Variants in ESR2 observed in about 807,000 individuals in gnomAD.
ESR2 encodes estrogen receptor beta.
A neutral mutation model predicts 49.6 loss-of-function variants in ESR2; 36 were observed. The observed-to-expected ratio is 0.73, with a 90% CI of 0.56 to 0.96. The LOEUF (loss-of-function observed/expected upper bound fraction) is 0.96, where lower values mean the gene tolerates loss of function less well. Among genes scored for constraint, ESR2 ranks in the 40% least tolerant of loss-of-function variants. ESR2 has a pLI of 0.00. For synonymous variants in ESR2, 320 were observed against 266.1 expected (o/e 1.20, Z -1.97); for missense variants, 714 against 693.0 (o/e 1.03, Z -0.34).
intron 1 of ESR2, among the ~76,000 whole-genome samples, chr14:64,286,820 G>A (rs569332224): frequency 2.5e-4 from 38 of 152,066 alleles, no homozygotes; most frequent in East Asian, 5.8e-4. Context: ...GGTTTGAGGC[G>A]ATTCCCCTGC....
At chr14:64,273,307 T>G (rs1164295367) in intron 3 of ESR2, among the ~76,000 whole-genome samples, 2 of 152,160 alleles carry the variant, frequency 1.3e-5, no homozygotes, top group Non-Finnish European at 2.9e-5. Flanking sequence ...GCCCTTTATT[T>G]CTCTTTTCTG....
chr14:64,280,212 T>C (rs2076636958), intron 2 of ESR2, 59 bp from the exon 3 acceptor site: 1 of 1,232,262 alleles, frequency 8.1e-7, no homozygotes, highest in Admixed American at 2.2e-5. Context: ...AAGGGCTTTC[T>C]AGGAAAAAAA....
chr14:64,233,266 A>C lies in ESR2; in HGVS notation c.1464T>G (p.Tyr488Ter). 1 of 1,614,220 alleles carries C rather than the reference A, an allele frequency of 6.2e-7. No individual in the cohort carries two copies. The highest frequency in any genetic ancestry group is 8.5e-7 in the Non-Finnish European group (1 of 1,180,038). ...CATTCAGCATCTCCAGCAGCAGGTCATACACTGGGACCACATTTTTGCACT... is the reference window on the plus strand; with the variant it reads ...CATTCAGCATCTCCAGCAGCAGGTCCTACACTGGGACCACATTTTTGCACT... ...NMKCKNVVPV[Y>*]DLLLEMLNAH... Residue 488 changes from tyrosine (Y) to a stop codon, truncating the protein, a stop_gained, in exon 9 of 9, where the codon TAT (tyrosine) becomes TAG (stop). Coordinates refer to ENST00000341099, the MANE Select transcript of ESR2 (RefSeq NM_001437.3). LOFTEE classifies it high-confidence loss of function.
At position 64,280,283 on chromosome 14, in the gene ESR2, T is replaced by G; in HGVS notation, c.363-130A>C. On this transcript the variant is annotated intron_variant, in intron 2 of 8. Transcript: ENST00000341099. ...CCTCCAGGGTTCCTGGTAAATATAT[T>G]CCCGGAAATCTGATACAGCAAAGCT... 4.4e-6 allele frequency: 3 copies of G among 683,030 alleles called. No individual in the cohort carries two copies. In the South Asian group the frequency reaches 5.5e-5, roughly 12 times the overall value. 42.3% of individuals were successfully genotyped at this position (683,030 alleles called of 1,614,324 possible). A position where few individuals can be genotyped will look rare whatever the true frequency, so the allele number is the denominator to read the frequency against.
chr14:64,332,814 G>C (rs527964489), intron 1 of ESR2, among the ~76,000 whole-genome samples: 1 of 149,100 alleles, frequency 6.7e-6, no homozygotes, highest in African/African-American at 2.5e-5. Flanking sequence ...AAAAAAAAAA[G>C]GGTACCGTAT....
At chr14:64,241,045 C>T (rs1046595014) in intron 7 of ESR2, among the ~76,000 whole-genome samples, 54 of 149,152 alleles carry the variant, frequency 3.6e-4, no homozygotes, top group Admixed American at 6.1e-4. Flanking sequence ...ACTGGGGAGG[C>T]TGAGGCAGGA....
chr14:64,227,326 A>C, downstream of ESR2: 1 of 610,178 alleles, frequency 1.6e-6, no homozygotes, highest in Non-Finnish European at 2.8e-6. Flanking sequence ...TCTGAAGAGA[A>C]TCCGTCTTCA....
chr14:64,273,496 T>C (rs984129415), intron 3 of ESR2, among the ~76,000 whole-genome samples: 3 of 152,194 alleles, frequency 2.0e-5, no homozygotes, highest in African/African-American at 7.2e-5. Context: ...ACCCAGTTTT[T>C]TAAGGGTTTT....
downstream of ESR2, chr14:64,227,760 C>A: frequency 6.5e-7 from 1 of 1,539,224 alleles, no homozygotes; most frequent in Non-Finnish European, 8.7e-7. Flanking sequence ...TCCAGGGAGG[C>A]CACTGCAGCT....
At chr14:64,245,212 C>G (rs1271153989) in intron 7 of ESR2, among the ~76,000 whole-genome samples, 2 of 152,108 alleles carry the variant, frequency 1.3e-5, no homozygotes, top group African/African-American at 2.4e-5. Flanking sequence ...ATTGTTATGA[C>G]TACCAAGAAA....
chr14:64,318,265 G>A (rs1008838261), intron 1 of ESR2, among the ~76,000 whole-genome samples: 3 of 151,956 alleles, frequency 2.0e-5, no homozygotes, highest in East Asian at 1.9e-4. Flanking sequence ...GGCCGGGTGC[G>A]GTGGTTCATG....
chr14:64,282,560 C>T, intron 2 of ESR2, 64 bp downstream of exon 2: 1 of 1,487,490 alleles, frequency 6.7e-7, no homozygotes. Flanking sequence ...TTCCTTCTCA[C>T]TCAACCATAA....
At chr14:64,228,056 AAATC>A (rs771991930), downstream of ESR2, 1 of 1,401,070 alleles carries the variant, frequency 7.1e-7, no homozygotes, top group Non-Finnish European at 9.2e-7. Context: ...CTGTGGTCAT[AAATC>A]AATCACAAGT....
At chr14:64,302,165 TTTA>T (rs2077028864) in intron 1 of ESR2, among the ~76,000 whole-genome samples, 3 of 134,024 alleles carry the variant, frequency 2.2e-5, no homozygotes, top group Admixed American at 8.2e-5. Flanking sequence ...TTTATTTTTA[TTTA>T]TTTATTTATT....
chr14:64,264,612 T>TAATC (rs1279018514), intron 4 of ESR2, among the ~76,000 whole-genome samples: 2 of 152,136 alleles, frequency 1.3e-5, no homozygotes, highest in Non-Finnish European at 1.5e-5. Flanking sequence ...CTCATGCCTG[T>TAATC]AATCCCCCAG....
In ESR2 at chr14:64,235,196, G is replaced by A. The variant is rs777768479; in HGVS notation, c.1226-46C>T. ...AGAAGTCATTGCTCTGAGCAAAGGAGCAGAAGTCGTGTGCTCAGCTGTTCC... is the reference window on the plus strand; with the variant it reads ...AGAAGTCATTGCTCTGAGCAAAGGAACAGAAGTCGTGTGCTCAGCTGTTCC... On this transcript the variant is annotated intron_variant, in intron 7 of 8. Coordinates refer to ENST00000341099, the MANE Select transcript of ESR2 (RefSeq NM_001437.3). 4.4e-6 allele frequency: 7 copies of A among 1,584,862 alleles called. No individual in the cohort carries two copies. In the African/African-American group the frequency reaches 6.7e-5, roughly 15 times the overall value.
intron 2 of ESR2, 94 bp from the exon 3 acceptor site, chr14:64,280,247 A>C (rs772786731): frequency 1.7e-5 from 15 of 903,754 alleles, no homozygotes; most frequent in Non-Finnish European, 2.6e-5. Context: ...TGCCTAATTT[A>C]ATCTCTTTTT....
intron 1 of ESR2, among the ~76,000 whole-genome samples, chr14:64,311,134 T>G (rs2077183457): frequency 6.6e-6 from 1 of 152,148 alleles, no homozygotes; most frequent in Admixed American, 6.6e-5. Flanking sequence ...AATATTAACT[T>G]AGGAGTTGGT....
At chr14:64,261,266 C>T (rs2076219470) in intron 4 of ESR2, among the ~76,000 whole-genome samples, 1 of 119,076 alleles carries the variant, frequency 8.4e-6, no homozygotes, top group Non-Finnish European at 1.6e-5. Flanking sequence ...GAGACGGAGC[C>T]TTGCTCTGTG....
Sources: allele counts gnomAD v4.1 joint callset (sites outside exome capture counted in the v4.1 genomes callset), GRCh38; gene constraint gnomAD v4.1.1; transcripts MANE v1.5; gene names NCBI Gene and HGNC (gene_info 2026-07-23, HGNC 2026-07-21).